Variants in ADORA1 observed in about 807,000 individuals in gnomAD.
ADORA1 encodes adenosine A1 receptor, also known as adenosine receptor A1.
A neutral mutation model predicts 19.9 loss-of-function variants in ADORA1; 6 were observed. The observed-to-expected ratio is 0.30, with a 90% CI of 0.17 to 0.59. ADORA1 has a LOEUF of 0.59. Ranked by LOEUF, ADORA1 falls within the 20% of genes least tolerant of loss-of-function variation. ADORA1 has a pLI of 0.87. For missense variants in ADORA1, 302 were observed against 439.2 expected (o/e 0.69, Z 2.79); for synonymous variants, 194 against 188.4 (o/e 1.03, Z -0.24).
chr1:203,151,980 A>T (rs1655052166), intron 3 of ADORA1, among the ~76,000 whole-genome samples: 1 of 152,090 alleles, frequency 6.6e-6, no homozygotes, highest in South Asian at 2.1e-4. Context: ...CCTCCTCCCC[A>T]CAAGGAGTTC....
At position 203,128,181 on chromosome 1, in the gene ADORA1, A is replaced by T; in HGVS notation, c.-212-97A>T. 2.1e-6 allele frequency: 1 copy of T among 487,558 alleles called. No individual in the cohort carries two copies. Among genetic ancestry groups the T allele is most frequent in the Non-Finnish European group, 3.3e-6 (1 of 301,436 alleles). 30.2% of individuals were successfully genotyped at this position (487,558 alleles called of 1,614,324 possible). ...TGTCCTGGGCTCCGTCCCCAGACCCACGTCTGCCACCCCAGTCCCAGGTGC... is the reference window on the plus strand; with the variant it reads ...TGTCCTGGGCTCCGTCCCCAGACCCTCGTCTGCCACCCCAGTCCCAGGTGC... On this transcript the variant is annotated intron_variant, in intron 1 of 3. Transcript: ENST00000337894. The surrounding 1 kb of genome is among the most constrained non-coding windows in gnomAD (Gnocchi z 5.9).
chr1:203,147,539 C>G lies in ADORA1; in HGVS notation c.342-17722C>G, dbSNP rs1434702840. 2.0e-5 allele frequency among the ~76,000 whole-genome samples: 3 copies of G among 152,218 alleles called. No homozygotes were observed. In the South Asian group the frequency reaches 6.2e-4, roughly 32 times the overall value. ...CCGAGTGCCACTGGGCCTTGCTACT[C>G]AAAGCGTGGTCAGGGACCAGCAGCC... On this transcript the variant is annotated intron_variant, in intron 3 of 3. Transcript: ENST00000337894.
chr1:203,132,227 T>A (rs1485241557), intron 3 of ADORA1, among the ~76,000 whole-genome samples: 3 of 152,130 alleles, frequency 2.0e-5, no homozygotes, highest in African/African-American at 4.8e-5. Flanking sequence ...TCCCCTCAGC[T>A]CCTGGTTCTA....
At chr1:203,142,993 G>A (rs1309669362) in intron 3 of ADORA1, among the ~76,000 whole-genome samples, 1 of 152,210 alleles carries the variant, frequency 6.6e-6, no homozygotes, top group Non-Finnish European at 1.5e-5. Flanking sequence ...ATAACTGGGA[G>A]AGCTGATAGA....
rs752666423 is a variant in ADORA1, at chr1:203,165,191, G to T, written c.342-70G>T. 10 of 1,601,784 alleles carry T rather than the reference G, an allele frequency of 6.2e-6. No homozygotes were observed. The African/African-American group carries it at 1.3e-4, about 22-fold the overall frequency. On this transcript the variant is annotated intron_variant, in intron 3 of 3. Coordinates refer to ENST00000337894, the MANE Select transcript of ADORA1 (RefSeq NM_000674.3). This position sits in a 1 kb window ranked among gnomAD's most constrained non-coding sequence, Gnocchi z 5.9. ...CCTCTTAGAGGCCCCTGGAGGCCAG[G>T]CGTGCCTCAGAGGGGCCTTTCGAGG...
At chr1:203,148,048 G>A (rs780778176) in intron 3 of ADORA1, among the ~76,000 whole-genome samples, 12 of 152,034 alleles carry the variant, frequency 7.9e-5, no homozygotes, top group Non-Finnish European at 1.3e-4. Context: ...ATGAAACCCC[G>A]TCTCTACTAA....
chr1:203,148,187 C>T (rs954483049), intron 3 of ADORA1, among the ~76,000 whole-genome samples: 1 of 152,226 alleles, frequency 6.6e-6, no homozygotes, highest in African/African-American at 2.4e-5. Flanking sequence ...CACCACTGCA[C>T]TCAAGCCTGG....
chr1:203,160,806 A>C (rs534138995), intron 3 of ADORA1, among the ~76,000 whole-genome samples: 1 of 152,224 alleles, frequency 6.6e-6, no homozygotes, highest in African/African-American at 2.4e-5. Flanking sequence ...GTGAGAGCCT[A>C]TCTCTTAAAT....
At chr1:203,161,645 C>T (rs989175144) in intron 3 of ADORA1, among the ~76,000 whole-genome samples, 5 of 150,552 alleles carry the variant, frequency 3.3e-5, no homozygotes, top group Non-Finnish European at 5.9e-5. Flanking sequence ...GATCTTGGCT[C>T]ACCACAACCT....
Position 203,143,322 on chromosome 1 carries a change from TG to T in ADORA1, c.341+14146del, listed in dbSNP as rs1654754407. 3.9e-5 allele frequency among the ~76,000 whole-genome samples: 6 copies of T among 152,282 alleles called. No individual in the cohort carries two copies. The South Asian group carries it at 1.2e-3, about 32-fold the overall frequency. ...CTTCTTATAAAGCCACCAGTTCCACTGGGGGGACCCCTACCTTGATGACCTT... is the reference window on the plus strand; with the variant it reads ...CTTCTTATAAAGCCACCAGTTCCACTGGGGGACCCCTACCTTGATGACCTT... On this transcript the variant is annotated intron_variant, in intron 3 of 3. Coordinates refer to ENST00000337894, the MANE Select transcript of ADORA1 (RefSeq NM_000674.3).
chr1:203,144,278 G>A (rs1571793775), intron 3 of ADORA1, among the ~76,000 whole-genome samples: 2 of 152,256 alleles, frequency 1.3e-5, no homozygotes, highest in East Asian at 3.9e-4. Flanking sequence ...TGGCGTGTGA[G>A]CAATTTGAAA....
chr1:203,128,939 C>T lies in ADORA1; in HGVS notation c.98C>T (p.Ala33Val), dbSNP rs1654243276. 10 of 1,614,034 alleles carry T rather than the reference C, an allele frequency of 6.2e-6. No homozygotes were observed. The highest frequency in any genetic ancestry group is 8.5e-6 in the Non-Finnish European group (10 of 1,180,036). ...CCCGGGAACGTGCTGGTGATCTGGG[C>T]GGTGAAGGTGAACCAGGCGCTGCGG... ...SVPGNVLVIW[A>V]VKVNQALRDA... The change falls in exon 3 of 4, where the codon GCG becomes GTG. Residue 33 changes from alanine to valine, a missense_variant. Transcript: ENST00000337894. This position sits in a 1 kb window ranked among gnomAD's most constrained non-coding sequence, Gnocchi z 5.9.
chr1:203,146,421 G>A (rs1331704334), intron 3 of ADORA1, among the ~76,000 whole-genome samples: 1 of 152,032 alleles, frequency 6.6e-6, no homozygotes, highest in African/African-American at 2.4e-5. Flanking sequence ...CTGAACCCAG[G>A]AGTTTGAGAC....
At chr1:203,144,871 C>G (rs192687602) in intron 3 of ADORA1, 1 of 152,324 alleles carries the variant, frequency 6.6e-6, no homozygotes, top group Non-Finnish European at 1.5e-5. Context: ...AATGTCCCCT[C>G]CCTGTCTGTG....
intron 3 of ADORA1, among the ~76,000 whole-genome samples, chr1:203,135,882 C>G (rs767870513): frequency 6.6e-6 from 1 of 152,072 alleles, no homozygotes; most frequent in Non-Finnish European, 1.5e-5. Context: ...GCAAATCCCC[C>G]GGGGGCATTT....
intron 3 of ADORA1, among the ~76,000 whole-genome samples, chr1:203,142,932 T>A (rs1309995275): frequency 3.3e-5 from 5 of 152,110 alleles, no homozygotes; most frequent in Non-Finnish European, 5.9e-5. Context: ...CGCAATGCCC[T>A]GTTCTCTGTA....
Position 203,150,694 on chromosome 1 carries a change from G to A in ADORA1, c.342-14567G>A, listed in dbSNP as rs1044393559. On this transcript the variant is annotated intron_variant, in intron 3 of 3. Coordinates refer to ENST00000337894, the MANE Select transcript of ADORA1 (RefSeq NM_000674.3). Reference sequence around the variant, plus strand: ...AGGAAGAACTGAAGTTAGACTCTGGGAAGGACTTTCTAATGTGGAAGCACA... The same window carrying A: ...AGGAAGAACTGAAGTTAGACTCTGGAAAGGACTTTCTAATGTGGAAGCACA... 1.2e-5 allele frequency: 15 copies of A among 1,289,740 alleles called. No individual in the cohort carries two copies. The East Asian group carries it at 8.3e-4, about 72-fold the overall frequency. 79.9% of individuals were successfully genotyped at this position (1,289,740 alleles called of 1,614,324 possible).
At chr1:203,150,756 C>G (rs1173276119) in intron 3 of ADORA1, 1 of 1,289,748 alleles carries the variant, frequency 7.8e-7, no homozygotes, top group Middle Eastern at 2.1e-4. Context: ...GGGGTGGACT[C>G]TTTCTTTGGA....
intron 3 of ADORA1, among the ~76,000 whole-genome samples, chr1:203,144,081 T>TACACACACACACACACACACAC (rs10525873): frequency 7.2e-6 from 1 of 139,772 alleles, no homozygotes; most frequent in Non-Finnish European, 1.5e-5. Flanking sequence ...GACTACCTCT[T>TACACACACACACACACACACAC]ACACACACAC....
Sources: gnomAD v4.1 joint callset for allele counts (sites outside exome capture counted in the v4.1 genomes callset) on GRCh38, gnomAD v4.1.1 for gene constraint, Gnocchi (gnomAD v3.1) non-coding constraint, MANE v1.5 for transcripts, NCBI Gene and HGNC (gene_info 2026-07-23, HGNC 2026-07-21) for gene names.